DCC: variants seen among roughly 807,000 people sequenced by gnomAD.
DCC encodes the protein netrin receptor DCC.
In DCC, 58 loss-of-function variants were observed where a neutral mutation model predicts 172.5. That is an observed-to-expected ratio of 0.34 (90% confidence interval 0.27 to 0.42). The LOEUF (loss-of-function observed/expected upper bound fraction) is 0.42, where lower values mean the gene tolerates loss of function less well. Among genes scored for constraint, DCC ranks in the 10% least tolerant of loss-of-function variants. The probability of loss-of-function intolerance (pLI) is 1.00; values close to 1 mark genes in which losing one functional copy is unlikely to be tolerated. For missense variants in DCC, 1,740 were observed against 1,791.0 expected, an observed-to-expected ratio of 0.97 and a Z score of 0.51; for synonymous variants, 709 against 644.5, an observed-to-expected ratio of 1.10 and a Z score of -1.52.
At chr18:53,419,854 TA>T (rs1434987624) in intron 21 of DCC, among the ~76,000 whole-genome samples, 6 of 151,860 alleles carry the variant, frequency 4.0e-5, no homozygotes, top group Non-Finnish European at 7.4e-5. Context: ...TATTTTTATT[TA>T]TTTTTTTTAA....
At chr18:52,731,176 C>T (rs1407515630) in intron 1 of DCC, among the ~76,000 whole-genome samples, 1 of 152,168 alleles carries the variant, frequency 6.6e-6, no homozygotes, top group Non-Finnish European at 1.5e-5. Flanking sequence ...TTGATTGAAG[C>T]GCTTTGCTTG....
intron 2 of DCC, among the ~76,000 whole-genome samples, chr18:52,877,481 G>T (rs2039420583): frequency 6.6e-6 from 1 of 152,028 alleles, no homozygotes; most frequent in African/African-American, 2.4e-5. Context: ...GGCTGAGGTG[G>T]GTAGATCACT....
intron 1 of DCC, among the ~76,000 whole-genome samples, chr18:52,733,715 C>G (rs79958626): frequency 0.036 from 5,543 of 152,124 alleles, 136 homozygotes; most frequent in Admixed American, 0.049. Context: ...AGGGTGGTCT[C>G]AAACTCCTAG....
intron 5 of DCC, among the ~76,000 whole-genome samples, chr18:53,034,184 C>T (rs528689311): frequency 6.6e-6 from 1 of 151,864 alleles, no homozygotes; most frequent in Non-Finnish European, 1.5e-5. Flanking sequence ...AAAATTCTGC[C>T]CCGAGCTTTA....
intron 2 of DCC, among the ~76,000 whole-genome samples, chr18:52,851,481 T>A (rs2038974676): frequency 6.6e-6 from 1 of 152,124 alleles, no homozygotes; most frequent in African/African-American, 2.4e-5. Context: ...TCTTTCATAC[T>A]GAGTTTGTAA....
chr18:53,175,823 A>C (rs962935228), intron 8 of DCC, among the ~76,000 whole-genome samples: 47 of 152,140 alleles, frequency 3.1e-4, no homozygotes, highest in Admixed American at 1.1e-3. Context: ...ATTGGAAAAA[A>C]CTACTTTAAA....
chr18:53,022,542 TGC>T (rs79914917), intron 5 of DCC, among the ~76,000 whole-genome samples: 62,403 of 144,404 alleles, frequency 0.43, 13,953 homozygotes, highest in Non-Finnish European at 0.53. Context: ...TATATATATG[TGC>T]GTGTGTGTGT....
At chr18:52,817,004 G>C (rs546639213) in intron 2 of DCC, 9 of 152,096 alleles carry the variant, frequency 5.9e-5, no homozygotes, top group African/African-American at 1.7e-4. Flanking sequence ...TTTAAGTGTA[G>C]TTTAGCTACA....
intron 2 of DCC, among the ~76,000 whole-genome samples, chr18:52,759,384 A>G (rs1189046567): frequency 6.6e-6 from 1 of 152,232 alleles, no homozygotes; most frequent in African/African-American, 2.4e-5. Context: ...TTTTTATAGT[A>G]GAAACATCAA....
At chr18:52,380,613 A>C (rs887718522) in intron 1 of DCC, among the ~76,000 whole-genome samples, 2 of 152,052 alleles carry the variant, frequency 1.3e-5, no homozygotes, top group Admixed American at 6.6e-5. Context: ...TGAGTTTTAC[A>C]TTTGTCTCTG....
intron 1 of DCC, among the ~76,000 whole-genome samples, chr18:52,659,860 G>A (rs957729595): frequency 1.3e-5 from 2 of 151,930 alleles, no homozygotes; most frequent in African/African-American, 4.8e-5. Flanking sequence ...AGGAGCAGAC[G>A]AGGGAATGCT....
At chr18:52,447,118 C>G (rs529565576) in intron 1 of DCC, among the ~76,000 whole-genome samples, 1 of 152,200 alleles carries the variant, frequency 6.6e-6, no homozygotes, top group East Asian at 1.9e-4. Context: ...ATATTTCTTA[C>G]AGATAAGACA....
intron 3 of DCC, among the ~76,000 whole-genome samples, chr18:52,916,209 CTTTT>C (rs10593227): frequency 9.5e-5 from 14 of 147,136 alleles, no homozygotes; most frequent in African/African-American, 2.0e-4. Context: ...AATTAGCTAC[CTTTT>C]TTTTTTTTTT....
intron 2 of DCC, among the ~76,000 whole-genome samples, chr18:52,761,288 C>T (rs2037156462): frequency 6.6e-6 from 1 of 152,176 alleles, no homozygotes. Context: ...GACCTGCCTC[C>T]ATGATTCAAT....
At chr18:53,056,517 A>T (rs903281866) in intron 5 of DCC, among the ~76,000 whole-genome samples, 3 of 152,172 alleles carry the variant, frequency 2.0e-5, no homozygotes, top group Admixed American at 2.0e-4. Flanking sequence ...TTATCTGTTT[A>T]TACTATTTTG....
At chr18:53,205,416 A>G (rs1195035453) in intron 10 of DCC, 52 bp downstream of exon 10, 9 of 1,577,882 alleles carry the variant, frequency 5.7e-6, no homozygotes, top group Admixed American at 1.7e-5. Context: ...GTTTCCATCC[A>G]TTGGATAGCT....
At chr18:52,788,870 G>T (rs143353828) in intron 2 of DCC, among the ~76,000 whole-genome samples, 14 of 152,210 alleles carry the variant, frequency 9.2e-5, no homozygotes, top group Non-Finnish European at 1.2e-4. Context: ...AGAGCCTATG[G>T]GAGAAGAGAG....
At chr18:52,846,538 C>T (rs2145329946) in intron 2 of DCC, among the ~76,000 whole-genome samples, 1 of 148,838 alleles carries the variant, frequency 6.7e-6, no homozygotes, top group South Asian at 2.2e-4. Flanking sequence ...GACCCTGTCT[C>T]AAAGAGAAAA....
At chr18:52,431,858 C>T (rs1486104939) in intron 1 of DCC, among the ~76,000 whole-genome samples, 1 of 152,180 alleles carries the variant, frequency 6.6e-6, no homozygotes, top group Non-Finnish European at 1.5e-5. Flanking sequence ...CCCATTCTCT[C>T]TGAAGGGGAT....
Sources: gnomAD v4.1 joint callset for allele counts (sites outside exome capture counted in the v4.1 genomes callset) on GRCh38, gnomAD v4.1.1 for gene constraint, MANE v1.5 for transcripts, NCBI Gene and HGNC (gene_info 2026-07-23, HGNC 2026-07-21) for gene names.